BMPR1B: variants seen among roughly 807,000 people sequenced by gnomAD.
BMPR1B encodes bone morphogenetic protein receptor type 1B.
A neutral mutation model predicts 59.1 loss-of-function variants in BMPR1B; 12 were observed. The ratio of observed to expected loss-of-function variants is 0.20; its 90% CI spans 0.13 to 0.33. The LOEUF (loss-of-function observed/expected upper bound fraction) is 0.33. Ranked by LOEUF, BMPR1B falls within the 10% of genes least tolerant of loss-of-function variation. BMPR1B has a pLI of 1.00. For missense variants in BMPR1B, 550 were observed against 610.9 expected (o/e 0.90, Z 1.05); for synonymous variants, 237 against 207.3 (o/e 1.14, Z -1.23).
chr4:94,893,256 C>T (rs1451674080), intron 2 of BMPR1B, among the ~76,000 whole-genome samples: 1 of 151,972 alleles, frequency 6.6e-6, no homozygotes, highest in Non-Finnish European at 1.5e-5. Flanking sequence ...GGCAGACTTG[C>T]AAACCTAACA....
intron 1 of BMPR1B, among the ~76,000 whole-genome samples, chr4:94,801,842 C>T (rs751191966): frequency 2.0e-5 from 3 of 151,982 alleles, no homozygotes; most frequent in South Asian, 2.1e-4. Context: ...ATGAAGTTTA[C>T]GATTAAATAA....
At chr4:95,144,740 A>G (rs1734518894) in intron 10 of BMPR1B, among the ~76,000 whole-genome samples, 1 of 152,158 alleles carries the variant, frequency 6.6e-6, no homozygotes, top group Non-Finnish European at 1.5e-5. Context: ...CCTACTCTTA[A>G]TAATGACCTC....
At chr4:94,777,364 A>G (rs1211898098) in intron 1 of BMPR1B, among the ~76,000 whole-genome samples, 1 of 152,158 alleles carries the variant, frequency 6.6e-6, no homozygotes, top group African/African-American at 2.4e-5. Flanking sequence ...TTTATTTAAA[A>G]AAAGGAAAAG....
chr4:94,821,479 TAAACTC>T (rs1263136441), intron 1 of BMPR1B, among the ~76,000 whole-genome samples: 5 of 152,172 alleles, frequency 3.3e-5, no homozygotes, highest in East Asian at 3.8e-4. Flanking sequence ...TTTTTTTACT[TAAACTC>T]TAATCTCAAA....
intron 1 of BMPR1B, among the ~76,000 whole-genome samples, chr4:94,768,609 A>G (rs1003583797): frequency 2.0e-5 from 3 of 152,056 alleles, no homozygotes; most frequent in Non-Finnish European, 4.4e-5. Context: ...ACTCATTTCT[A>G]TTGTGAATAT....
At chr4:95,049,014 G>T (rs987220037) in intron 3 of BMPR1B, among the ~76,000 whole-genome samples, 5 of 152,296 alleles carry the variant, frequency 3.3e-5, no homozygotes, top group Admixed American at 3.3e-4. Flanking sequence ...TTAGCAAGAA[G>T]TTTGACTAAG....
Position 94,936,432 on chromosome 4 carries a change from C to T in BMPR1B, c.-112-59608C>T, listed in dbSNP as rs182476212. ...TCAAATGAATTTTTGTACCCATTGT[C>T]GAAAGAAAGCCTGATGAACAGGTAT... On this transcript the variant is annotated intron_variant, in intron 2 of 12. Transcript: ENST00000515059. Among the ~76,000 whole-genome samples, 39 of 152,162 alleles carry T rather than the reference C, an allele frequency of 2.6e-4. No homozygotes were observed. In the East Asian group the frequency reaches 3.5e-3, roughly 14 times the overall value.
chr4:94,994,780 C>T (rs1211878920), intron 2 of BMPR1B, among the ~76,000 whole-genome samples: 4 of 151,194 alleles, frequency 2.6e-5, no homozygotes, highest in African/African-American at 9.7e-5. Context: ...TTTGCATTTA[C>T]TGGTAAGATT....
chr4:95,026,111 T>TTCTTTCTTTCC, intron 3 of BMPR1B, among the ~76,000 whole-genome samples: 1 of 65,460 alleles, frequency 1.5e-5, no homozygotes, highest in Non-Finnish European at 3.5e-5. Flanking sequence ...TCTTTCTTTC[T>TTCTTTCTTTCC]TTCTTTCTTT....
intron 1 of BMPR1B, among the ~76,000 whole-genome samples, chr4:94,787,988 G>A (rs560817554): frequency 2.6e-5 from 4 of 152,214 alleles, no homozygotes; most frequent in Admixed American, 2.6e-4. Flanking sequence ...CAACTCCGTG[G>A]GGTTCAATGT....
At chr4:95,082,200 T>TTTTTAACTG (rs1729208619) in intron 3 of BMPR1B, among the ~76,000 whole-genome samples, 2 of 137,310 alleles carry the variant, frequency 1.5e-5, no homozygotes, top group Admixed American at 7.6e-5. Context: ...AATTATACAT[T>TTTTTAACTG]TTTTAACTGT....
intron 1 of BMPR1B, among the ~76,000 whole-genome samples, chr4:94,873,475 C>T (rs1271430213): frequency 1.3e-5 from 2 of 150,660 alleles, no homozygotes; most frequent in Non-Finnish European, 2.9e-5. Context: ...GGCGCGATCT[C>T]GGCTCACTGC....
At chr4:95,019,675 A>G (rs1268215884) in intron 3 of BMPR1B, among the ~76,000 whole-genome samples, 1 of 152,196 alleles carries the variant, frequency 6.6e-6, no homozygotes, top group Non-Finnish European at 1.5e-5. Context: ...TTGGCTGTTA[A>G]TACCTTGAAA....
At chr4:95,036,704 CTTTTTTTTT>C (rs5860386) in intron 3 of BMPR1B, among the ~76,000 whole-genome samples, 3 of 128,074 alleles carry the variant, frequency 2.3e-5, no homozygotes, top group African/African-American at 9.0e-5. Context: ...ATACAATTTC[CTTTTTTTTT>C]TTTTTTTTTT....
intron 6 of BMPR1B, among the ~76,000 whole-genome samples, chr4:95,116,421 G>GCGCGCGCGCGCGCGCGCA: frequency 2.4e-5 from 3 of 123,198 alleles, no homozygotes; most frequent in African/African-American, 1.1e-4. Flanking sequence ...TTCAGCGCGC[G>GCGCGCGCGCGCGCGCGCA]CACACACACA....
intron 10 of BMPR1B, among the ~76,000 whole-genome samples, chr4:95,139,676 A>G (rs1560686382): frequency 6.6e-6 from 1 of 152,090 alleles, no homozygotes; most frequent in Non-Finnish European, 1.5e-5. Flanking sequence ...CTGTGCTAGC[A>G]ATGAGCGAGG....
At chr4:95,041,350 A>G (rs181100570) in intron 3 of BMPR1B, among the ~76,000 whole-genome samples, 16 of 152,200 alleles carry the variant, frequency 1.1e-4, no homozygotes, top group Admixed American at 3.3e-4. Flanking sequence ...CGCGTGGTCT[A>G]TAATTTTTTT....
chr4:94,809,099 C>T (rs923256210), intron 1 of BMPR1B, among the ~76,000 whole-genome samples: 2 of 152,028 alleles, frequency 1.3e-5, no homozygotes, highest in African/African-American at 2.4e-5. Context: ...ATTATTATTA[C>T]GGTTGGACCT....
At position 95,107,842 on chromosome 4, in the gene BMPR1B, A is replaced by C. The variant is rs1187386150; in HGVS notation, c.143+3275A>C. On this transcript the variant is annotated intron_variant, in intron 4 of 12. Coordinates refer to ENST00000515059, the MANE Select transcript of BMPR1B (RefSeq NM_001203.3). ...AAAGGCACATGTATTTTCCTAATGA[A>C]GTATTGATTCCAGTTGAATCTTCCT... is the stretch of plus-strand genomic sequence containing the variant. 2.0e-5 allele frequency among the ~76,000 whole-genome samples: 3 copies of C among 152,054 alleles called. No homozygotes were observed. In the East Asian group the frequency reaches 5.8e-4, roughly 29 times the overall value.
Sources: gnomAD v4.1 joint callset for allele counts (sites outside exome capture counted in the v4.1 genomes callset) on GRCh38, gnomAD v4.1.1 for gene constraint, MANE v1.5 for transcripts, NCBI Gene and HGNC (gene_info 2026-07-23, HGNC 2026-07-21) for gene names.